NCAM2: variants seen among roughly 807,000 people sequenced by gnomAD.
The protein encoded by NCAM2 is neural cell adhesion molecule 2.
Under a neutral mutation model 98.1 loss-of-function variants are expected in NCAM2, and 30 were observed. The ratio of observed to expected loss-of-function variants is 0.31; its 90% CI spans 0.23 to 0.41. The LOEUF (loss-of-function observed/expected upper bound fraction) is 0.41, where lower values mean the gene tolerates loss of function less well. Among genes scored for constraint, NCAM2 ranks in the 10% least tolerant of loss-of-function variants. NCAM2 has a pLI of 1.00. For missense variants in NCAM2, 867 were observed against 1,005.8 expected, an observed-to-expected ratio of 0.86 and a Z score of 1.87; for synonymous variants, 368 against 342.4, an observed-to-expected ratio of 1.07 and a Z score of -0.83.
rs536412971 is a variant in NCAM2 at position 21,006,849 on chromosome 21, A to G, written c.55+8231A>G. 5.3e-4 allele frequency among the ~76,000 whole-genome samples: 81 copies of G among 152,316 alleles called. 1 individual carries two copies. The highest frequency in any genetic ancestry group is 1.0e-3 in the Non-Finnish European group (71 of 68,026). ...TTTTTTAAAGGCTACACTGTGGATC[A>G]TAGTTTGCATTTTAAAGTGAATGCC... On this transcript the variant is annotated intron_variant, in intron 1 of 17. Transcript: ENST00000400546.
chr21:21,151,021 T>C (rs1431932815), intron 1 of NCAM2, among the ~76,000 whole-genome samples: 1 of 151,904 alleles, frequency 6.6e-6, no homozygotes, highest in African/African-American at 2.4e-5. Context: ...TTGATACCAT[T>C]CTTGTGTCAG....
chr21:21,363,730 A>AT (rs200607788), intron 8 of NCAM2, among the ~76,000 whole-genome samples: 2,160 of 151,832 alleles, frequency 0.014, 44 homozygotes, highest in Admixed American at 0.037. Flanking sequence ...TGTTTTAATT[A>AT]TTTTTTTTAC....
intron 1 of NCAM2, among the ~76,000 whole-genome samples, chr21:21,052,001 A>T (rs1210596958): frequency 6.6e-6 from 1 of 152,126 alleles, no homozygotes; most frequent in Non-Finnish European, 1.5e-5. Context: ...CAGAGTATAT[A>T]TGCAGGATTT....
intron 8 of NCAM2, among the ~76,000 whole-genome samples, chr21:21,366,012 C>A (rs1203956745): frequency 6.6e-6 from 1 of 151,960 alleles, no homozygotes; most frequent in Non-Finnish European, 1.5e-5. Flanking sequence ...TTGACCTGAA[C>A]TGTGTCTTTT....
intron 4 of NCAM2, 92 bp from the exon 5 acceptor site, chr21:21,292,012 C>A: frequency 8.5e-7 from 1 of 1,177,806 alleles, no homozygotes; most frequent in Non-Finnish European, 1.2e-6. Flanking sequence ...TAGTGTCAGA[C>A]AGTGCCATAT....
intron 1 of NCAM2, among the ~76,000 whole-genome samples, chr21:21,163,440 G>A (rs1299774281): frequency 6.6e-6 from 1 of 152,012 alleles, no homozygotes; most frequent in South Asian, 2.1e-4. Flanking sequence ...TAATTAATCA[G>A]CACTCTTCCC....
chr21:21,273,955 C>T (rs1026371861), intron 1 of NCAM2, among the ~76,000 whole-genome samples: 2 of 151,940 alleles, frequency 1.3e-5, no homozygotes, highest in African/African-American at 2.4e-5. Context: ...CACCTGAGGT[C>T]GGGAGTTTGA....
chr21:21,338,345 A>G lies in NCAM2; in HGVS notation c.899-44A>G, dbSNP rs751416195. ...TCATGACTTTTGTCTGAGAAGTAAT[A>G]TTTTCCTCCAATACCGGTTGAGTAA... is the stretch of plus-strand genomic sequence containing the variant. On this transcript the variant is annotated intron_variant, in intron 7 of 17. Coordinates refer to ENST00000400546, the MANE Select transcript of NCAM2 (RefSeq NM_004540.5). The G allele has an allele frequency of 2.6e-6, 4 of 1,562,752 alleles. No homozygotes were observed. The South Asian group carries it at 4.5e-5, about 18-fold the overall frequency.
chr21:21,519,365 GT>G (rs1569134924), intron 16 of NCAM2, among the ~76,000 whole-genome samples: 1 of 152,030 alleles, frequency 6.6e-6, no homozygotes, highest in East Asian at 1.9e-4. Flanking sequence ...AAAAGTTGGG[GT>G]TTTTTGGCCC....
intron 8 of NCAM2, among the ~76,000 whole-genome samples, chr21:21,362,089 T>C (rs232496): frequency 0.64 from 96,985 of 151,924 alleles, 31,174 homozygotes; most frequent in African/African-American, 0.71. Flanking sequence ...CCGAAACCAT[T>C]GTTACTTGCC....
rs547855476 is a variant in NCAM2, at chr21:21,498,742, C to T, written c.2078-10109C>T. Among the ~76,000 whole-genome samples, 4 of 152,198 alleles carry T rather than the reference C, an allele frequency of 2.6e-5. No homozygotes were observed. In the South Asian group the frequency reaches 8.3e-4, roughly 32 times the overall value. On this transcript the variant is annotated intron_variant, in intron 15 of 17. Transcript: ENST00000400546. ...TTATTTTGGGGAGGTGATTTTGATTCACTTTGTAACAATCTTTTAAAAGTT... is the reference window on the plus strand; with the variant it reads ...TTATTTTGGGGAGGTGATTTTGATTTACTTTGTAACAATCTTTTAAAAGTT...
chr21:21,255,751 C>G (rs534572177), intron 1 of NCAM2, among the ~76,000 whole-genome samples: 2 of 152,132 alleles, frequency 1.3e-5, no homozygotes, highest in Non-Finnish European at 2.9e-5. Flanking sequence ...ATAAACATGG[C>G]CCAACTTAGT....
intron 1 of NCAM2, among the ~76,000 whole-genome samples, chr21:21,263,110 T>C (rs2071987747): frequency 6.6e-6 from 1 of 152,118 alleles, no homozygotes; most frequent in South Asian, 2.1e-4. Flanking sequence ...AAAACACTGA[T>C]GATTCCTCCA....
intron 1 of NCAM2, among the ~76,000 whole-genome samples, chr21:21,119,725 AAAAC>A (rs1261123229): frequency 8.5e-5 from 13 of 152,332 alleles, no homozygotes; most frequent in Admixed American, 6.5e-4. Context: ...GAACAAAAGA[AAAAC>A]AAATTATCTG....
At chr21:21,415,875 T>G (rs2145943415) in intron 10 of NCAM2, among the ~76,000 whole-genome samples, 1 of 152,314 alleles carries the variant, frequency 6.6e-6, no homozygotes, top group East Asian at 1.9e-4. Flanking sequence ...TGGCTTTGTC[T>G]TCTATCCAGG....
intron 16 of NCAM2, among the ~76,000 whole-genome samples, chr21:21,526,181 A>G (rs939738915): frequency 5.3e-5 from 8 of 152,082 alleles, no homozygotes; most frequent in African/African-American, 1.7e-4. Context: ...GGGAAGGAAG[A>G]AATAAAACTC....
chr21:21,238,594 T>A (rs2070939058), intron 1 of NCAM2, among the ~76,000 whole-genome samples: 1 of 142,044 alleles, frequency 7.0e-6, no homozygotes, highest in Non-Finnish European at 1.5e-5. Flanking sequence ...ATATTTTTAT[T>A]TTTAATTAAA....
intron 1 of NCAM2, among the ~76,000 whole-genome samples, chr21:21,082,245 A>C (rs2065819861): frequency 6.9e-6 from 1 of 145,512 alleles, no homozygotes; most frequent in Non-Finnish European, 1.5e-5. Flanking sequence ...AAAAAAAAAG[A>C]ATTCTCTCAT....
At chr21:21,017,254 G>A (rs138049934) in intron 1 of NCAM2, among the ~76,000 whole-genome samples, 1,717 of 151,650 alleles carry the variant, frequency 0.011, 37 homozygotes, top group African/African-American at 0.039. Flanking sequence ...GTGAAAACCC[G>A]TCTCTACTAA....
Sources: allele counts gnomAD v4.1 joint callset (sites outside exome capture counted in the v4.1 genomes callset), GRCh38; gene constraint gnomAD v4.1.1; transcripts MANE v1.5; gene names NCBI Gene and HGNC (gene_info 2026-07-23, HGNC 2026-07-21).